Variants in LAMA1 observed in about 807,000 individuals in gnomAD.
The protein encoded by LAMA1 is laminin subunit alpha-1.
Under a neutral mutation model 348.7 loss-of-function variants are expected in LAMA1, and 219 were observed. That is an observed-to-expected ratio of 0.63 (90% confidence interval 0.56 to 0.70). LAMA1 has a LOEUF of 0.70. LAMA1 is among the 30% of genes least tolerant of loss of function. The probability of loss-of-function intolerance (pLI) is 0.00; values close to 1 mark genes in which losing one functional copy is unlikely to be tolerated. For missense variants in LAMA1, 3,744 were observed against 3,888.0 expected (o/e 0.96, Z 0.99); for synonymous variants, 1,487 against 1,491.0 (o/e 1.00, Z 0.06).
intron 3 of LAMA1, among the ~76,000 whole-genome samples, chr18:7,075,625 A>G (rs1419784386): frequency 1.3e-5 from 2 of 149,480 alleles, no homozygotes; most frequent in East Asian, 2.0e-4. Flanking sequence ...CTCCGTCTCA[A>G]AAAAAAAATA....
intron 1 of LAMA1, among the ~76,000 whole-genome samples, chr18:7,108,801 CAA>C (rs1404012218): frequency 6.6e-6 from 1 of 151,874 alleles, no homozygotes; most frequent in Non-Finnish European, 1.5e-5. Flanking sequence ...GGTGAAGTTG[CAA>C]AGAGTTGGAA....
At chr18:6,994,248 C>T (rs1051252884) in intron 34 of LAMA1, among the ~76,000 whole-genome samples, 8 of 149,206 alleles carry the variant, frequency 5.4e-5, no homozygotes, top group South Asian at 2.1e-4. Flanking sequence ...GAAACAGCAA[C>T]GCTTACCTCC....
chr18:7,010,561 G>T (rs546463099), intron 25 of LAMA1, among the ~76,000 whole-genome samples, 176 bp from the exon 26 acceptor site: 2 of 152,296 alleles, frequency 1.3e-5, no homozygotes, highest in East Asian at 3.9e-4. Context: ...GGATTATTAA[G>T]TTGACCTAAG....
chr18:7,077,027 CTTTG>C (rs1347591064), intron 3 of LAMA1: 1 of 151,630 alleles, frequency 6.6e-6, no homozygotes, highest in Admixed American at 6.6e-5. Context: ...GCATAATGTG[CTTTG>C]TTTAAAAAAA....
chr18:7,071,954 T>C (rs2058147807), intron 3 of LAMA1, among the ~76,000 whole-genome samples: 1 of 152,234 alleles, frequency 6.6e-6, no homozygotes, highest in Admixed American at 6.5e-5. Context: ...TACATGATAG[T>C]ATTGTTGTAG....
intron 61 of LAMA1, among the ~76,000 whole-genome samples, chr18:6,944,800 C>A (rs1300636407): frequency 6.6e-6 from 1 of 152,046 alleles, no homozygotes; most frequent in African/African-American, 2.4e-5. Context: ...GCACCCCAAG[C>A]AGACTAAGAC....
At chr18:7,024,991 C>T (rs556672364) in intron 17 of LAMA1, among the ~76,000 whole-genome samples, 1 of 152,342 alleles carries the variant, frequency 6.6e-6, no homozygotes. Context: ...ATTCCTAAAC[C>T]TTGAGGATCC....
chr18:6,985,652 G>C lies in LAMA1; in HGVS notation c.5380-9C>G. ...ACATGCAGCTTTTTATCCTGCAGCAGAAACGGCATTTTAAGGGTGCTTCAT... is the reference window on the plus strand; with the variant it reads ...ACATGCAGCTTTTTATCCTGCAGCACAAACGGCATTTTAAGGGTGCTTCAT... On this transcript the variant is annotated splice_polypyrimidine_tract_variant and intron_variant, in intron 37 of 62. Transcript: ENST00000389658. 1.2e-6 allele frequency: 2 copies of C among 1,602,836 alleles called. No homozygotes were observed. The highest frequency in any genetic ancestry group is 1.7e-6 in the Non-Finnish European group (2 of 1,170,070).
intron 3 of LAMA1, among the ~76,000 whole-genome samples, chr18:7,063,169 G>A (rs28484997): frequency 4.9e-4 from 74 of 152,282 alleles, no homozygotes; most frequent in Middle Eastern, 6.8e-3. Flanking sequence ...TAGCACTAGA[G>A]AGATGAGAAA....
chr18:6,948,695 C>G, intron 59 of LAMA1, 139 bp from the exon 60 acceptor site: 1 of 860,464 alleles, frequency 1.2e-6, no homozygotes, highest in Admixed American at 2.3e-5. Flanking sequence ...CTTTAATTGC[C>G]ACAATACTTC....
chr18:7,003,058 T>C (rs1488917180), intron 29 of LAMA1, among the ~76,000 whole-genome samples: 1 of 151,226 alleles, frequency 6.6e-6, no homozygotes, highest in Non-Finnish European at 1.5e-5. Context: ...CTTTTAACTT[T>C]TTTGTACAGG....
At chr18:7,051,667 T>A (rs2058062745) in intron 3 of LAMA1, among the ~76,000 whole-genome samples, 1 of 152,196 alleles carries the variant, frequency 6.6e-6, no homozygotes, top group Non-Finnish European at 1.5e-5. Flanking sequence ...AATAGTAGTG[T>A]TAAAAGTATT....
chr18:6,947,390 C>G (rs1033843853), intron 60 of LAMA1, 94 bp from the exon 61 acceptor site: 26 of 1,471,182 alleles, frequency 1.8e-5, no homozygotes, highest in Admixed American at 1.4e-4. Flanking sequence ...GGACCTGGCT[C>G]TAGCTCCTCC....
intron 36 of LAMA1, among the ~76,000 whole-genome samples, chr18:6,986,989 C>A (rs941002313): frequency 5.9e-5 from 9 of 152,142 alleles, no homozygotes; most frequent in African/African-American, 2.2e-4. Context: ...AAACTCCTGA[C>A]CTCAGGTGAC....
At chr18:6,965,137 T>C in intron 50 of LAMA1, 151 bp downstream of exon 50, 1 of 989,086 alleles carries the variant, frequency 1.0e-6, no homozygotes, top group Non-Finnish European at 1.6e-6. Flanking sequence ...GTGAATCCTG[T>C]TGGTTAGTAT....
At chr18:6,979,847 C>A (rs913682780) in intron 42 of LAMA1, among the ~76,000 whole-genome samples, 5 of 152,128 alleles carry the variant, frequency 3.3e-5, no homozygotes, top group Admixed American at 1.3e-4. Flanking sequence ...TGCAGTGAGC[C>A]AAGATCGCGC....
intron 22 of LAMA1, among the ~76,000 whole-genome samples, chr18:7,014,611 G>A (rs2057877641): frequency 6.6e-6 from 1 of 151,090 alleles, no homozygotes; most frequent in South Asian, 2.1e-4. Context: ...CTGCACTCCA[G>A]CCTGGGTGAC....
At chr18:7,117,622 G>T (rs1380371973) in intron 1 of LAMA1, 38 bp downstream of exon 1, 4 of 1,587,250 alleles carry the variant, frequency 2.5e-6, no homozygotes, top group African/African-American at 1.4e-5. Context: ...CCGCCCGCCT[G>T]CGGGGGACAG....
chr18:6,972,278 G>A (rs2144029959), intron 47 of LAMA1: 2 of 389,850 alleles, frequency 5.1e-6, no homozygotes, highest in South Asian at 4.3e-5. Context: ...GTGATTGGTA[G>A]TGAGGGCCCA....
Sources: gnomAD v4.1 joint callset for allele counts (sites outside exome capture counted in the v4.1 genomes callset) on GRCh38, gnomAD v4.1.1 for gene constraint, MANE v1.5 for transcripts, NCBI Gene and HGNC (gene_info 2026-07-23, HGNC 2026-07-21) for gene names.